Variants in GLT8D2 observed in about 807,000 individuals in gnomAD.
GLT8D2 encodes glycosyltransferase 8 domain containing 2, also known as glycosyltransferase 8 domain-containing protein 2.
Under a neutral mutation model 44.5 loss-of-function variants are expected in GLT8D2, and 45 were observed. The observed-to-expected ratio is 1.01, with a 90% confidence interval of 0.80 to 1.30. GLT8D2 has a LOEUF of 1.30. GLT8D2 is among the 50% of genes most tolerant of loss of function. GLT8D2 has a pLI of 0.00. For synonymous variants in GLT8D2, 156 were observed against 157.2 expected (o/e 0.99, Z 0.06); for missense variants, 400 against 430.4 (o/e 0.93, Z 0.62).
chr12:103,993,323 T>C (rs1227953241), intron 10 of GLT8D2, 69 bp downstream of exon 10: 1 of 1,217,788 alleles, frequency 8.2e-7, no homozygotes, highest in Non-Finnish European at 1.2e-6. Context: ...AGAGCGAGAC[T>C]CTGTCTCAAA....
At chr12:104,007,624 A>G (rs753259107) in intron 4 of GLT8D2, among the ~76,000 whole-genome samples, 2 of 152,192 alleles carry the variant, frequency 1.3e-5, no homozygotes, top group Non-Finnish European at 2.9e-5. Context: ...ATACATACAT[A>G]TTTGCAAATG....
At chr12:104,012,182 A>AT (rs1469691514) in intron 4 of GLT8D2, among the ~76,000 whole-genome samples, 45 of 83,536 alleles carry the variant, frequency 5.4e-4, no homozygotes, top group South Asian at 2.9e-3. Flanking sequence ...AAAAAAAAAA[A>AT]AAAAAAAATA....
intron 1 of GLT8D2, among the ~76,000 whole-genome samples, chr12:104,032,581 C>G (rs1053545017): frequency 6.6e-6 from 1 of 150,406 alleles, no homozygotes; most frequent in Non-Finnish European, 1.5e-5. Context: ...CACTAATAAT[C>G]AGGGATATTC....
chr12:104,022,749 T>TAC (rs10690249), intron 1 of GLT8D2, among the ~76,000 whole-genome samples: 40,389 of 149,770 alleles, frequency 0.27, 5,787 homozygotes, highest in Admixed American at 0.34. Context: ...CAGGAGATTC[T>TAC]ACACACACAC....
intron 1 of GLT8D2, among the ~76,000 whole-genome samples, chr12:104,059,484 C>T (rs1342441270): frequency 2.0e-5 from 3 of 152,214 alleles, no homozygotes; most frequent in Admixed American, 2.0e-4. Flanking sequence ...AGAAAGGAAG[C>T]TTCCCTCCTC....
chr12:104,023,906 G>A (rs1272165487), intron 1 of GLT8D2, among the ~76,000 whole-genome samples: 1 of 152,148 alleles, frequency 6.6e-6, no homozygotes, highest in Non-Finnish European at 1.5e-5. Flanking sequence ...TCCGTTGAAT[G>A]GATATACCAC....
intron 5 of GLT8D2, among the ~76,000 whole-genome samples, chr12:104,002,290 G>A (rs1566192934): frequency 6.6e-6 from 1 of 152,094 alleles, no homozygotes; most frequent in Non-Finnish European, 1.5e-5. Flanking sequence ...TTGGCCATTT[G>A]TATTTTTTTC....
chr12:104,046,127 T>C (rs1881124771), intron 1 of GLT8D2, among the ~76,000 whole-genome samples: 1 of 152,136 alleles, frequency 6.6e-6, no homozygotes, highest in African/African-American at 2.4e-5. Flanking sequence ...TTAGTGGAAA[T>C]ATGGGCTTTA....
intron 1 of GLT8D2, among the ~76,000 whole-genome samples, chr12:104,029,440 T>C (rs539538106): frequency 9.6e-4 from 146 of 152,288 alleles, no homozygotes; most frequent in African/African-American, 3.4e-3. Context: ...GAGTATATCA[T>C]TGATAGTAGG....
At chr12:104,047,010 G>T (rs1199687512) in intron 1 of GLT8D2, among the ~76,000 whole-genome samples, 1 of 151,956 alleles carries the variant, frequency 6.6e-6, no homozygotes, top group African/African-American at 2.4e-5. Flanking sequence ...AATTTTTTTT[G>T]TAGAGACAGA....
intron 4 of GLT8D2, among the ~76,000 whole-genome samples, chr12:104,008,377 C>T (rs1875365863): frequency 6.6e-6 from 1 of 152,188 alleles, no homozygotes; most frequent in African/African-American, 2.4e-5. Context: ...TTTTGCCCTG[C>T]CCTAGGGATT....
At chr12:104,038,701 G>A (rs925570395) in intron 1 of GLT8D2, among the ~76,000 whole-genome samples, 6 of 152,146 alleles carry the variant, frequency 3.9e-5, no homozygotes, top group African/African-American at 1.2e-4. Context: ...AATTAATATC[G>A]TGAAAATGGC....
chr12:104,030,749 C>T (rs201086736), intron 1 of GLT8D2: 2 of 1,612,228 alleles, frequency 1.2e-6, no homozygotes, highest in East Asian at 2.2e-5. Context: ...CTGCTAATCC[C>T]AGTCGGTGCC....
chr12:104,006,948 T>G (rs1875097924), intron 4 of GLT8D2, among the ~76,000 whole-genome samples: 1 of 152,200 alleles, frequency 6.6e-6, no homozygotes, highest in Non-Finnish European at 1.5e-5. Context: ...TTACTTTGCC[T>G]ACACTGCTAT....
At chr12:104,024,312 T>C (rs149614332) in intron 1 of GLT8D2, among the ~76,000 whole-genome samples, 1 of 152,224 alleles carries the variant, frequency 6.6e-6, no homozygotes, top group African/African-American at 2.4e-5. Flanking sequence ...TGGGCACCTG[T>C]GGTCCCAGCT....
intron 1 of GLT8D2, among the ~76,000 whole-genome samples, chr12:104,040,158 CA>C (rs1368886049): frequency 3.9e-5 from 6 of 152,036 alleles, no homozygotes; most frequent in Non-Finnish European, 7.4e-5. Flanking sequence ...GGGGTGGGAG[CA>C]GGGGGAGGGA....
At chr12:103,996,428 A>T (rs1327166276) in intron 8 of GLT8D2, among the ~76,000 whole-genome samples, 1 of 152,242 alleles carries the variant, frequency 6.6e-6, no homozygotes, top group Non-Finnish European at 1.5e-5. Flanking sequence ...CATGCTGGAC[A>T]CTTGGACACC....
chr12:104,016,374 C>CA (rs575977861), intron 3 of GLT8D2, among the ~76,000 whole-genome samples: 1 of 151,980 alleles, frequency 6.6e-6, no homozygotes, highest in Non-Finnish European at 1.5e-5. Flanking sequence ...TGGTGGCTCA[C>CA]ACCTGTAATC....
intron 7 of GLT8D2, 62 bp from the exon 8 acceptor site, chr12:103,996,909 CT>C: frequency 8.7e-7 from 1 of 1,144,090 alleles, no homozygotes; most frequent in Non-Finnish European, 1.3e-6. Flanking sequence ...TAGATAGAGC[CT>C]TAGAGCTTAA....
Sources: gnomAD v4.1 joint callset for allele counts (sites outside exome capture counted in the v4.1 genomes callset) on GRCh38, gnomAD v4.1.1 for gene constraint, MANE v1.5 for transcripts, NCBI Gene and HGNC (gene_info 2026-07-23, HGNC 2026-07-21) for gene names.